Variants in TTC29 observed in about 807,000 individuals in gnomAD.
TTC29 encodes the protein tetratricopeptide repeat protein 29.
TTC29 carries 49 observed loss-of-function variants against 58.1 expected under a neutral mutation model. That is an observed-to-expected ratio of 0.84 (90% CI 0.67 to 1.07). TTC29 has a LOEUF of 1.07. Ranked by LOEUF, TTC29 falls within the 50% of genes least tolerant of loss-of-function variation. The pLI, the probability that TTC29 is intolerant of heterozygous loss-of-function variation, is 0.00. For missense variants in TTC29, 582 were observed against 555.6 expected, an observed-to-expected ratio of 1.05 and a Z score of -0.48; for synonymous variants, 209 against 196.8, an observed-to-expected ratio of 1.06 and a Z score of -0.52.
intron 11 of TTC29, among the ~76,000 whole-genome samples, chr4:146,758,515 C>T (rs1746623634): frequency 6.6e-6 from 1 of 152,198 alleles, no homozygotes; most frequent in South Asian, 2.1e-4. Context: ...CAGAACGTTT[C>T]ATCCAACAAC....
intron 11 of TTC29, among the ~76,000 whole-genome samples, chr4:146,762,493 C>T (rs965287025): frequency 2.0e-5 from 3 of 151,810 alleles, no homozygotes; most frequent in Non-Finnish European, 4.4e-5. Flanking sequence ...TAGTAGGCAA[C>T]AGTTAAATAC....
In TTC29 at chr4:146,909,046, G is replaced by A. The variant is rs1733714071; in HGVS notation, c.380C>T (p.Ala127Val). The A allele has an allele frequency of 6.2e-7, 1 of 1,613,716 alleles. No individual in the cohort carries two copies. The highest frequency in any genetic ancestry group is 1.3e-5 in the African/African-American group (1 of 74,908). Residue 127 changes from alanine (A) to valine (V), a missense_variant, in exon 5 of 13, where the codon GCT becomes GTT. Ala to Val is a moderately conservative substitution (Grantham distance 64). Transcript: ENST00000325106. The stretch of plus-strand genomic sequence containing the variant: ...CTTACCTTTCCTCTCAGCGTCCTCA[G>A]CCCTGGTCAGGTAATGGTACAGGTA... ...LDYLYHYLTR[A>V]EDAERKESFE...
At chr4:146,890,568 G>C (rs1312812674) in intron 6 of TTC29, among the ~76,000 whole-genome samples, 3 of 152,222 alleles carry the variant, frequency 2.0e-5, no homozygotes, top group Non-Finnish European at 4.4e-5. Flanking sequence ...GGTCAAAGCA[G>C]AGAGGAGACA....
chr4:146,860,539 T>C (rs944992576), intron 8 of TTC29, among the ~76,000 whole-genome samples: 2 of 152,122 alleles, frequency 1.3e-5, no homozygotes, highest in Non-Finnish European at 2.9e-5. Context: ...TGTTTCTTCC[T>C]ATACAGTCAT....
At chr4:146,899,796 C>A (rs1561234232) in intron 6 of TTC29, among the ~76,000 whole-genome samples, 1 of 152,152 alleles carries the variant, frequency 6.6e-6, no homozygotes, top group Admixed American at 6.5e-5. Flanking sequence ...GTGCTGGAGC[C>A]CTGCCAAAGA....
At chr4:146,856,551 AT>A (rs1729867518) in intron 8 of TTC29, among the ~76,000 whole-genome samples, 1 of 151,740 alleles carries the variant, frequency 6.6e-6, no homozygotes, top group Non-Finnish European at 1.5e-5. Context: ...AAATATTTTA[AT>A]TTTTTTGAGC....
chr4:146,892,910 T>G (rs1579926371), intron 6 of TTC29, among the ~76,000 whole-genome samples: 1 of 152,174 alleles, frequency 6.6e-6, no homozygotes, highest in South Asian at 2.1e-4. Flanking sequence ...AGCCAAATCA[T>G]GAGTGAACTC....
rs73852708 is a variant in TTC29, at chr4:146,827,478, T to C, written c.977+6328A>G. 9.3e-3 allele frequency among the ~76,000 whole-genome samples: 1,416 copies of C among 152,318 alleles called. 18 individuals carry two copies. The highest frequency in any genetic ancestry group is 0.032 in the African/African-American group (1,337 of 41,562). ...TAACCTCCCAAGGTTTGGAAAACAT[T>C]CATTTTCACAGGTAAACAGTGATAT... On this transcript the variant is annotated intron_variant, in intron 9 of 12. Transcript: ENST00000325106.
intron 11 of TTC29, among the ~76,000 whole-genome samples, chr4:146,714,940 C>T (rs968997762): frequency 4.6e-5 from 7 of 152,156 alleles, no homozygotes; most frequent in African/African-American, 1.7e-4. Context: ...AGCAATCCTC[C>T]TGCCTCCTCA....
intron 9 of TTC29, among the ~76,000 whole-genome samples, chr4:146,824,893 T>C (rs1727662053): frequency 6.6e-6 from 1 of 152,050 alleles, no homozygotes; most frequent in Non-Finnish European, 1.5e-5. Flanking sequence ...TTGTGTATAG[T>C]TGTTTACCAT....
chr4:146,894,149 A>G (rs1436589811), intron 6 of TTC29, among the ~76,000 whole-genome samples: 1 of 152,190 alleles, frequency 6.6e-6, no homozygotes, highest in Non-Finnish European at 1.5e-5. Flanking sequence ...AGAACTAGAA[A>G]TACCATTTGA....
chr4:146,873,122 T>C (rs565154153), intron 7 of TTC29, among the ~76,000 whole-genome samples: 1 of 152,250 alleles, frequency 6.6e-6, no homozygotes, highest in East Asian at 1.9e-4. Flanking sequence ...AACAAAGGAA[T>C]TGGCCAACGG....
At chr4:146,943,800 G>T (rs1736658714) in intron 2 of TTC29, among the ~76,000 whole-genome samples, 1 of 152,176 alleles carries the variant, frequency 6.6e-6, no homozygotes, top group Non-Finnish European at 1.5e-5. Flanking sequence ...TACCTGTAAA[G>T]AAAGCCTTTT....
intron 7 of TTC29, among the ~76,000 whole-genome samples, chr4:146,867,947 T>C (rs896643200): frequency 3.9e-5 from 6 of 152,130 alleles, no homozygotes; most frequent in Non-Finnish European, 7.4e-5. Context: ...TAGTCCAGCA[T>C]GTAAAGGCTT....
intron 11 of TTC29, among the ~76,000 whole-genome samples, chr4:146,778,359 T>G (rs78952964): frequency 4.1e-3 from 625 of 152,278 alleles, no homozygotes; most frequent in Non-Finnish European, 7.2e-3. Context: ...TAACTTCACT[T>G]TTGATTTTTT....
At chr4:146,922,953 CT>C (rs1175263718) in intron 4 of TTC29, among the ~76,000 whole-genome samples, 5 of 151,950 alleles carry the variant, frequency 3.3e-5, no homozygotes, top group Admixed American at 1.3e-4. Context: ...CCCTTTTCCC[CT>C]GACCCCTACT....
chr4:146,708,267 C>T (rs1216521949), intron 11 of TTC29, among the ~76,000 whole-genome samples: 1 of 128,906 alleles, frequency 7.8e-6, no homozygotes, highest in African/African-American at 3.1e-5. Context: ...ATTTAGGGAG[C>T]AATATAAAGT....
In TTC29 at chr4:146,939,968, T is replaced by C. The variant is rs1464549798; in HGVS notation, c.-6-67A>G. The C allele has an allele frequency of 6.3e-6, 9 of 1,429,734 alleles. No individual in the cohort carries two copies. The East Asian group carries it at 2.2e-4, about 35-fold the overall frequency. The allele number at this position is 1,429,734 out of a possible 1,614,324, so 88.6% of individuals were successfully genotyped here. On this transcript the variant is annotated intron_variant, in intron 2 of 12. Coordinates refer to ENST00000325106, the MANE Select transcript of TTC29 (RefSeq NM_031956.4). ...ATCTTTCAAAGGATCCTTTAAGACATTATTAGAGATTTACAGTCTGTCATC... is the reference window on the plus strand; with the variant it reads ...ATCTTTCAAAGGATCCTTTAAGACACTATTAGAGATTTACAGTCTGTCATC...
chr4:146,846,264 C>T (rs1007195826), intron 8 of TTC29, among the ~76,000 whole-genome samples: 1 of 152,082 alleles, frequency 6.6e-6, no homozygotes, highest in Admixed American at 6.6e-5. Flanking sequence ...ACAAGAACCC[C>T]CTATCTAAAG....
Sources: gnomAD v4.1 joint callset for allele counts (sites outside exome capture counted in the v4.1 genomes callset) on GRCh38, gnomAD v4.1.1 for gene constraint, MANE v1.5 for transcripts, NCBI Gene and HGNC (gene_info 2026-07-23, HGNC 2026-07-21) for gene names.